Variants in RXFP1 observed in about 807,000 individuals in gnomAD.
RXFP1 encodes relaxin receptor 1.
A neutral mutation model predicts 89.8 loss-of-function variants in RXFP1; 73 were observed. That is an observed-to-expected ratio of 0.81 (90% CI 0.67 to 0.99). The LOEUF (loss-of-function observed/expected upper bound fraction) is 0.99, where lower values mean the gene tolerates loss of function less well. RXFP1 is among the 50% of genes least tolerant of loss of function. The probability of loss-of-function intolerance (pLI) is 0.00; values close to 1 mark genes in which losing one functional copy is unlikely to be tolerated. For missense variants in RXFP1, 793 were observed against 895.5 expected, an observed-to-expected ratio of 0.89 and a Z score of 1.46; for synonymous variants, 277 against 305.5, an observed-to-expected ratio of 0.91 and a Z score of 0.97.
intron 1 of RXFP1, among the ~76,000 whole-genome samples, chr4:158,526,525 C>G (rs1037035182): frequency 6.6e-5 from 10 of 152,138 alleles, no homozygotes; most frequent in African/African-American, 2.4e-4. Flanking sequence ...GTGAATATTT[C>G]AAATTTAGGT....
chr4:158,606,786 A>G (rs990896288), intron 5 of RXFP1, among the ~76,000 whole-genome samples: 22 of 148,464 alleles, frequency 1.5e-4, no homozygotes, highest in African/African-American at 5.2e-4. Context: ...GGATCTCACT[A>G]TGTTGCCCTG....
chr4:158,565,934 G>A (rs1289356711), intron 1 of RXFP1, among the ~76,000 whole-genome samples: 2 of 152,140 alleles, frequency 1.3e-5, no homozygotes, highest in South Asian at 4.1e-4. Flanking sequence ...TGCCAAAGAT[G>A]CATAACCTGA....
chr4:158,569,440 T>C (rs990319619), intron 1 of RXFP1, among the ~76,000 whole-genome samples: 8 of 152,204 alleles, frequency 5.3e-5, no homozygotes, highest in Non-Finnish European at 1.0e-4. Flanking sequence ...CTGACAATGA[T>C]GTGTCAGTGT....
At position 158,647,306 on chromosome 4, in the gene RXFP1, A is replaced by AT. The variant is rs1298390895; in HGVS notation, c.1756+109dup. The stretch of plus-strand genomic sequence containing the variant: ...AATTCTATCAGAATCCCCAGCAAGG[A>AT]TTTTCCTCCCCAAATTATACTCTGA... On this transcript the variant is annotated intron_variant, in intron 16 of 17. Transcript: ENST00000307765. 3.3e-6 allele frequency: 3 copies of AT among 906,588 alleles called. No individual in the cohort carries two copies. The East Asian group carries it at 7.9e-5, about 24-fold the overall frequency. The allele number at this position is 906,588 out of a possible 1,614,324, so 56.2% of individuals were successfully genotyped here.
chr4:158,524,398 A>T (rs1741956717), intron 1 of RXFP1, among the ~76,000 whole-genome samples: 1 of 152,196 alleles, frequency 6.6e-6, no homozygotes, highest in African/African-American at 2.4e-5. Flanking sequence ...ACCATGCTTT[A>T]TTCACCTACC....
At chr4:158,617,003 AAT>A in intron 8 of RXFP1, 126 bp from the exon 9 acceptor site, 3 of 626,530 alleles carry the variant, frequency 4.8e-6, no homozygotes, top group Admixed American at 3.4e-5. Context: ...AAAAAAAAAA[AAT>A]TAGAAGGAAA....
intron 5 of RXFP1, among the ~76,000 whole-genome samples, chr4:158,605,610 G>T (rs1762424277): frequency 6.6e-6 from 1 of 152,184 alleles, no homozygotes; most frequent in Admixed American, 6.5e-5. Flanking sequence ...TTGTCTTGGA[G>T]ACTTGATTCC....
chr4:158,529,250 G>GTTGTTGTTGTTGTTGTTGT (rs1743401237), intron 1 of RXFP1, among the ~76,000 whole-genome samples: 1 of 22,450 alleles, frequency 4.5e-5, no homozygotes, highest in South Asian at 2.5e-3. Context: ...GTTTTTTGTT[G>GTTGTTGTTGTTGTTGTTGT]TTGTTGTTGT....
intron 1 of RXFP1, among the ~76,000 whole-genome samples, chr4:158,537,350 C>G (rs1745517010): frequency 6.6e-6 from 1 of 152,052 alleles, no homozygotes; most frequent in Non-Finnish European, 1.5e-5. Context: ...ACTAAATTTT[C>G]TTAATCTAGT....
chr4:158,645,255 G>A, intron 15 of RXFP1, 117 bp downstream of exon 15: 2 of 713,902 alleles, frequency 2.8e-6, no homozygotes. Context: ...TCTCCTTTTT[G>A]CTTGTATGCT....
At chr4:158,611,339 A>G (rs759822523) in intron 6 of RXFP1, among the ~76,000 whole-genome samples, 3 of 152,178 alleles carry the variant, frequency 2.0e-5, no homozygotes, top group South Asian at 2.1e-4. Flanking sequence ...GATCAACACA[A>G]TAGAACAAAG....
At chr4:158,649,087 T>A (rs986098095) in intron 17 of RXFP1, among the ~76,000 whole-genome samples, 11 of 131,644 alleles carry the variant, frequency 8.4e-5, no homozygotes, top group Non-Finnish European at 1.5e-4. Flanking sequence ...CACTCCAGCC[T>A]GGGTGACAGA....
At position 158,633,386 on chromosome 4, in the gene RXFP1, T is replaced by C. The variant is rs1185735757; in HGVS notation, c.900-19T>C. On this transcript the variant is annotated intron_variant, in intron 11 of 17. Coordinates refer to ENST00000307765, the MANE Select transcript of RXFP1 (RefSeq NM_021634.4). ...AGTCTTAAGAAAATAATATCACATA[T>C]TTGCAATTATTTCTCCAGGGATTTA... is the stretch of plus-strand genomic sequence containing the variant. 2.1e-6 allele frequency: 3 copies of C among 1,460,636 alleles called. No individual in the cohort carries two copies. The highest frequency in any genetic ancestry group is 2.9e-6 in the Non-Finnish European group (3 of 1,044,554). The allele number at this position is 1,460,636 out of a possible 1,614,324, so 90.5% of individuals were successfully genotyped here. A position where few individuals can be genotyped will look rare whatever the true frequency, so the allele number is the denominator to read the frequency against.
rs775164460 is a variant in RXFP1 at position 158,612,320 on chromosome 4, T to C, written c.638T>C (p.Ile213Thr). ...LIIEDNHLSR[I>T]SPPTFYGLNS... The stretch of plus-strand genomic sequence containing the variant: ...ATTGAAGATAATCACCTCAGTCGAA[T>C]TTCCCCACCAACATTTTATGGACTA... Residue 213 changes from isoleucine to threonine, a missense_variant, in exon 8 of 18, where the codon ATT (isoleucine) becomes ACT (threonine). Transcript: ENST00000307765. 6.2e-7 allele frequency: 1 copy of C among 1,612,462 alleles called. No individual in the cohort carries two copies. Among genetic ancestry groups the C allele is most frequent in the Non-Finnish European group, 8.5e-7 (1 of 1,179,148 alleles).
Position 158,639,566 on chromosome 4 carries a change from G to A in RXFP1, c.1115+235G>A, listed in dbSNP as rs1212111661. ...GACAGAGCCCTCATGAGTGGGATTA[G>A]TGCCCTTAGAAAACAGACTCTGGTC... On this transcript the variant is annotated intron_variant, in intron 14 of 17. Coordinates refer to ENST00000307765, the MANE Select transcript of RXFP1 (RefSeq NM_021634.4). Among the ~76,000 whole-genome samples the A allele has an allele frequency of 2.0e-5, 3 of 152,156 alleles. No homozygotes were observed. The East Asian group carries it at 5.8e-4, about 29-fold the overall frequency.
Position 158,652,079 on chromosome 4 carries a change from G to A in RXFP1, c.*24G>A, listed in dbSNP as rs767571927. 31 of 1,582,686 alleles carry A rather than the reference G, an allele frequency of 2.0e-5. No homozygotes were observed. Among genetic ancestry groups the A allele is most frequent in the Admixed American group, 5.2e-5 (3 of 57,592 alleles). On this transcript the variant is annotated 3_prime_UTR_variant, in exon 18 of 18. Transcript: ENST00000307765. The stretch of plus-strand genomic sequence containing the variant: ...GACTGACTCTGAAATTCATTTCTTC[G>A]CAGAGAATACTGTGGGGGTGCTTCA...
chr4:158,558,066 C>G (rs1025198604), intron 1 of RXFP1, among the ~76,000 whole-genome samples: 16 of 152,210 alleles, frequency 1.1e-4, no homozygotes, highest in African/African-American at 3.6e-4. Context: ...ACAAGGTAAG[C>G]CTACTAATAC....
chr4:158,557,607 C>G (rs1291036701), intron 1 of RXFP1, among the ~76,000 whole-genome samples: 1 of 152,226 alleles, frequency 6.6e-6, no homozygotes, highest in Non-Finnish European at 1.5e-5. Flanking sequence ...TCCAAGGAAT[C>G]CTCCAGCCTC....
At chr4:158,529,282 A>G (rs985344804) in intron 1 of RXFP1, among the ~76,000 whole-genome samples, 9 of 150,042 alleles carry the variant, frequency 6.0e-5, no homozygotes, top group African/African-American at 2.0e-4. Context: ...TTTATGAGAC[A>G]GGGTTTTGCT....
Sources: gnomAD v4.1 joint callset for allele counts (sites outside exome capture counted in the v4.1 genomes callset) on GRCh38, gnomAD v4.1.1 for gene constraint, MANE v1.5 for transcripts, NCBI Gene and HGNC (gene_info 2026-07-23, HGNC 2026-07-21) for gene names.